PHF14: variants seen among roughly 807,000 people sequenced by gnomAD.
The protein encoded by PHF14 is PHD finger protein 14.
PHF14 carries 55 observed loss-of-function variants against 117.9 expected under a neutral mutation model. The observed-to-expected ratio is 0.47, with a 90% CI of 0.38 to 0.58. The LOEUF (loss-of-function observed/expected upper bound fraction) is 0.58. Among genes scored for constraint, PHF14 ranks in the 20% least tolerant of loss-of-function variants. The probability of loss-of-function intolerance (pLI) is 0.00; values close to 1 mark genes in which losing one functional copy is unlikely to be tolerated. For synonymous variants in PHF14, 409 were observed against 368.6 expected (o/e 1.11, Z -1.26); for missense variants, 978 against 1,122.2 (o/e 0.87, Z 1.84).
intron 16 of PHF14, chr7:11,063,130 A>G (rs1414054574): frequency 1.9e-5 from 18 of 950,422 alleles, no homozygotes; most frequent in African/African-American, 1.1e-4. Context: ...TTTTTATGCT[A>G]TCAATGAGAA....
At chr7:11,033,938 G>A (rs957529868) in intron 7 of PHF14, among the ~76,000 whole-genome samples, 5 of 152,154 alleles carry the variant, frequency 3.3e-5, no homozygotes, top group Non-Finnish European at 7.3e-5. Flanking sequence ...TGAAGTAATT[G>A]TAAGTAAACC....
At chr7:11,145,290 T>C (rs1199759413) in intron 17 of PHF14, among the ~76,000 whole-genome samples, 1 of 3,492 alleles carries the variant, frequency 2.9e-4, no homozygotes, top group Non-Finnish European at 4.8e-4. Flanking sequence ...GCTCTCTTTT[T>C]CTCTCTTTTT....
chr7:11,008,542 G>C (rs1783210849), intron 4 of PHF14, among the ~76,000 whole-genome samples: 1 of 152,092 alleles, frequency 6.6e-6, no homozygotes. Context: ...TACTTCTTAT[G>C]AGAATGTGAT....
chr7:11,022,801 A>G (rs1783780815), intron 5 of PHF14, 67 bp from the exon 6 acceptor site: 2 of 809,638 alleles, frequency 2.5e-6, no homozygotes, highest in Non-Finnish European at 3.9e-6. Context: ...AGCGTTTTAT[A>G]TGTTTGTTTT....
intron 16 of PHF14, chr7:11,106,911 A>C: frequency 1.0e-6 from 1 of 983,628 alleles, no homozygotes. Flanking sequence ...TACAAGTAAA[A>C]TGTTCCATTG....
At chr7:11,044,929 A>G (rs1784617641) in intron 13 of PHF14, among the ~76,000 whole-genome samples, 1 of 152,276 alleles carries the variant, frequency 6.6e-6, no homozygotes, top group Admixed American at 6.5e-5. Context: ...GAAATCTGCA[A>G]TGCTCCAATG....
intron 3 of PHF14, among the ~76,000 whole-genome samples, chr7:10,990,385 G>C (rs1384716318): frequency 6.6e-6 from 1 of 152,146 alleles, no homozygotes; most frequent in Non-Finnish European, 1.5e-5. Context: ...CCTAGTTTAA[G>C]GGGCAAAGCA....
intron 16 of PHF14, chr7:11,106,057 G>A (rs1233996911): frequency 4.1e-6 from 4 of 984,204 alleles, no homozygotes; most frequent in Middle Eastern, 5.2e-4. Context: ...GTATGGAAAT[G>A]TCTAATTCTT....
intron 17 of PHF14, among the ~76,000 whole-genome samples, chr7:11,138,464 A>G (rs541589443): frequency 4.6e-5 from 7 of 152,248 alleles, no homozygotes; most frequent in African/African-American, 1.7e-4. Flanking sequence ...AACATTAAAA[A>G]TTATTTTTAA....
At chr7:11,083,708 C>T (rs1052461714) in intron 16 of PHF14, among the ~76,000 whole-genome samples, 2 of 151,990 alleles carry the variant, frequency 1.3e-5, no homozygotes, top group Non-Finnish European at 2.9e-5. Flanking sequence ...TGACCCACCC[C>T]CTTGGCCTCC....
intron 17 of PHF14, among the ~76,000 whole-genome samples, chr7:11,123,368 C>G (rs1019095172): frequency 6.6e-6 from 1 of 152,060 alleles, no homozygotes; most frequent in Non-Finnish European, 1.5e-5. Flanking sequence ...AGTAGTTTAA[C>G]TGACATTTAC....
rs1490997372 is a variant in PHF14 at position 10,999,707 on chromosome 7, C to T, written c.1045+8860C>T. On this transcript the variant is annotated intron_variant, in intron 4 of 17. Coordinates refer to ENST00000634607, the MANE Select transcript of PHF14 (RefSeq NM_001007157.2). ...CTGCTTCAGATGAATAGCCTCGGTA[C>T]TGGAAAATCTACCTTCTTTCCAAAG... 4.6e-5 allele frequency among the ~76,000 whole-genome samples: 7 copies of T among 152,292 alleles called. No individual in the cohort carries two copies. The East Asian group carries it at 1.3e-3, about 29-fold the overall frequency.
intron 14 of PHF14, among the ~76,000 whole-genome samples, chr7:11,057,990 G>A (rs534134941): frequency 6.6e-6 from 1 of 152,300 alleles, no homozygotes; most frequent in East Asian, 1.9e-4. Context: ...GTTTGGAATT[G>A]CACCCTTGCT....
At chr7:11,150,769 G>T (rs768314071) in intron 17 of PHF14, among the ~76,000 whole-genome samples, 23 of 152,104 alleles carry the variant, frequency 1.5e-4, no homozygotes, top group African/African-American at 4.8e-4. Flanking sequence ...TAATTATGGG[G>T]TATATCATTT....
intron 16 of PHF14, among the ~76,000 whole-genome samples, chr7:11,072,046 C>A (rs926877220): frequency 6.6e-6 from 1 of 152,138 alleles, no homozygotes; most frequent in African/African-American, 2.4e-5. Context: ...TTAGTCCATT[C>A]TTGCATAGCT....
intron 4 of PHF14, among the ~76,000 whole-genome samples, chr7:11,000,419 A>C: frequency 6.9e-6 from 1 of 145,084 alleles, no homozygotes; most frequent in Non-Finnish European, 1.5e-5. Flanking sequence ...GGCTCACTGC[A>C]ACCTCTGTCT....
At chr7:11,068,215 G>T (rs1444061627) in intron 16 of PHF14, among the ~76,000 whole-genome samples, 3 of 151,416 alleles carry the variant, frequency 2.0e-5, no homozygotes, top group African/African-American at 7.3e-5. Context: ...GTCTGGCATG[G>T]TGGTGGGCAC....
At chr7:11,014,252 T>C (rs1783448379) in intron 5 of PHF14, among the ~76,000 whole-genome samples, 1 of 152,194 alleles carries the variant, frequency 6.6e-6, no homozygotes. Context: ...GAATGGTCAA[T>C]TTTGAACCTA....
intron 17 of PHF14, among the ~76,000 whole-genome samples, chr7:11,115,209 G>A (rs1173212309): frequency 6.6e-6 from 1 of 151,724 alleles, no homozygotes. Context: ...TCTTGATTTA[G>A]TGCCTCACTT....
Sources: allele counts gnomAD v4.1 joint callset (sites outside exome capture counted in the v4.1 genomes callset), GRCh38; gene constraint gnomAD v4.1.1; transcripts MANE v1.5; gene names NCBI Gene and HGNC (gene_info 2026-07-23, HGNC 2026-07-21).